MYOCD: variants seen among roughly 807,000 people sequenced by gnomAD.
MYOCD encodes the protein myocardin.
MYOCD carries 32 observed loss-of-function variants against 96.1 expected under a neutral mutation model. That is an observed-to-expected ratio of 0.33 (90% confidence interval 0.25 to 0.45). The LOEUF is 0.45. Ranked by LOEUF, MYOCD falls within the 20% of genes least tolerant of loss-of-function variation. The pLI is 1.00. For missense variants in MYOCD, 1,133 were observed against 1,200.6 expected (o/e 0.94, Z 0.83); for synonymous variants, 469 against 469.0 (o/e 1.00, Z 0.00).
intron 1 of MYOCD, 26 bp downstream of exon 1, chr17:12,666,269 T>G: frequency 6.5e-7 from 1 of 1,544,298 alleles, no homozygotes; most frequent in Non-Finnish European, 9.0e-7. Flanking sequence ...TTAGCATTCC[T>G]TCTTAAACTT....
intron 1 of MYOCD, among the ~76,000 whole-genome samples, chr17:12,699,554 A>G (rs1240751940): frequency 1.3e-5 from 2 of 152,170 alleles, no homozygotes; most frequent in Non-Finnish European, 2.9e-5. Context: ...CTATATCTCA[A>G]TTGTTTATCA....
intron 10 of MYOCD, among the ~76,000 whole-genome samples, chr17:12,753,686 A>G (rs2032929259): frequency 6.6e-6 from 1 of 152,222 alleles, no homozygotes; most frequent in Non-Finnish European, 1.5e-5. Flanking sequence ...CTCTGTCCCA[A>G]TAAAACTTTA....
At chr17:12,690,887 T>C (rs2030412596) in intron 1 of MYOCD, among the ~76,000 whole-genome samples, 1 of 152,204 alleles carries the variant, frequency 6.6e-6, no homozygotes, top group Non-Finnish European at 1.5e-5. Flanking sequence ...AAGCAATAGC[T>C]ATTTAGTAGC....
intron 9 of MYOCD, among the ~76,000 whole-genome samples, chr17:12,749,585 CTA>C (rs532313081): frequency 1.4e-5 from 2 of 144,682 alleles, no homozygotes; most frequent in African/African-American, 2.6e-5. Flanking sequence ...TATACAAAAC[CTA>C]TATATATGTG....
chr17:12,760,939 A>G, intron 13 of MYOCD: 1 of 466,526 alleles, frequency 2.1e-6, no homozygotes, highest in Non-Finnish European at 3.9e-6. Flanking sequence ...CAATCATTTT[A>G]ATAGTTTTCA....
At chr17:12,686,527 C>T (rs76092753) in intron 1 of MYOCD, among the ~76,000 whole-genome samples, 3,210 of 152,302 alleles carry the variant, frequency 0.021, 131 homozygotes, top group African/African-American at 0.072. Context: ...TCACAAAATT[C>T]TGGAATTTGG....
chr17:12,669,641 C>T (rs901017996), intron 1 of MYOCD, among the ~76,000 whole-genome samples: 9 of 151,732 alleles, frequency 5.9e-5, no homozygotes, highest in East Asian at 1.9e-4. Context: ...TTTTCTGAGA[C>T]GGAGTCTCGC....
At chr17:12,756,936 G>T (rs1306193332) in intron 11 of MYOCD, among the ~76,000 whole-genome samples, 2 of 152,108 alleles carry the variant, frequency 1.3e-5, no homozygotes, top group African/African-American at 4.8e-5. Context: ...ACAGATATGA[G>T]TTAGAAGTTT....
chr17:12,745,184 AT>A (rs1005629157), intron 8 of MYOCD, among the ~76,000 whole-genome samples: 23 of 151,724 alleles, frequency 1.5e-4, no homozygotes, highest in African/African-American at 5.3e-4. Context: ...GTCACCTTTT[AT>A]TTTTTTTAAA....
intron 1 of MYOCD, among the ~76,000 whole-genome samples, chr17:12,701,824 A>G (rs2031089192): frequency 6.6e-6 from 1 of 152,168 alleles, no homozygotes; most frequent in Non-Finnish European, 1.5e-5. Context: ...TGTGTTGACT[A>G]TGAATTATCT....
Position 12,763,327 on chromosome 17 carries a change from C to G in MYOCD, c.2644C>G (p.His882Asp). The change falls in exon 14 of 14, where the codon CAC becomes GAC. Residue 882 changes from histidine to aspartate, a missense_variant. His to Asp is a moderately conservative substitution (Grantham distance 81). Coordinates refer to ENST00000425538, the MANE Select transcript of MYOCD (RefSeq NM_001146312.3). Reference sequence around the variant, plus strand: ...TCTAAAAATTGGGAGCGAAGAGCCTCACTTTGATGGGATAATGGATGGATT... The same window carrying G: ...TCTAAAAATTGGGAGCGAAGAGCCTGACTTTGATGGGATAATGGATGGATT... ...TLLKIGSEEP[H>D]FDGIMDGFSG... is the part of the protein sequence containing the mutation. 1 of 1,607,404 alleles carries G rather than the reference C, an allele frequency of 6.2e-7. No homozygotes were observed. Among genetic ancestry groups the G allele is most frequent in the Non-Finnish European group, 8.5e-7 (1 of 1,176,970 alleles).
chr17:12,688,306 T>C (rs2030235382), intron 1 of MYOCD, among the ~76,000 whole-genome samples: 2 of 152,222 alleles, frequency 1.3e-5, no homozygotes, highest in Admixed American at 1.3e-4. Flanking sequence ...ACAGATCGCT[T>C]ATAGGAATGA....
rs748373308 is a variant in MYOCD, at chr17:12,722,954, C to T, written c.361C>T (p.Leu121=). ...KIALRPGPLE[L]VEKNILPVDS... ...TGCTCTACGACCAGGGCCACTGGAG[C>T]TGGTGGAAAAAAACATTCTTCCTGT... The change falls in exon 5 of 14, where the codon CTG becomes TTG. Residue 121 remains leucine, a synonymous_variant. Transcript: ENST00000425538. The T allele has an allele frequency of 1.4e-5, 22 of 1,613,680 alleles. No homozygotes were observed. Among genetic ancestry groups the T allele is most frequent in the Middle Eastern group, 1.7e-4 (1 of 6,060 alleles).
chr17:12,712,060 A>C (rs985000084), intron 2 of MYOCD, among the ~76,000 whole-genome samples: 1 of 151,006 alleles, frequency 6.6e-6, no homozygotes, highest in Non-Finnish European at 1.5e-5. Context: ...ACAGGGTTTC[A>C]CCATCTTGGC....
chr17:12,758,638 C>A (rs2033081933), intron 12 of MYOCD, among the ~76,000 whole-genome samples: 1 of 152,208 alleles, frequency 6.6e-6, no homozygotes, highest in Admixed American at 6.5e-5. Flanking sequence ...CTTTAAAATT[C>A]AGTGACCCTG....
chr17:12,689,328 C>A (rs1343612183), intron 1 of MYOCD, among the ~76,000 whole-genome samples: 2 of 152,090 alleles, frequency 1.3e-5, no homozygotes, highest in African/African-American at 4.8e-5. Context: ...ATCCTGAAGC[C>A]TTGATTTGGG....
chr17:12,667,486 A>T (rs1206835127), intron 1 of MYOCD, among the ~76,000 whole-genome samples: 1 of 152,070 alleles, frequency 6.6e-6, no homozygotes, highest in Admixed American at 6.6e-5. Flanking sequence ...GAGGCGGTTG[A>T]TCTGTTAACC....
intron 2 of MYOCD, among the ~76,000 whole-genome samples, chr17:12,707,171 A>T (rs2031319687): frequency 6.6e-6 from 1 of 152,222 alleles, no homozygotes; most frequent in East Asian, 1.9e-4. Context: ...ATCTACATGC[A>T]TTTCAGCAGA....
intron 2 of MYOCD, among the ~76,000 whole-genome samples, chr17:12,709,568 G>T (rs1567581975): frequency 1.3e-5 from 2 of 152,052 alleles, no homozygotes; most frequent in Admixed American, 1.3e-4. Context: ...TAATAAAATA[G>T]TCTCTCAAAG....
Sources: allele counts gnomAD v4.1 joint callset (sites outside exome capture counted in the v4.1 genomes callset), GRCh38; gene constraint gnomAD v4.1.1; transcripts MANE v1.5; gene names NCBI Gene and HGNC (gene_info 2026-07-23, HGNC 2026-07-21).